The following DLGAP1 variants were observed in gnomAD, a reference collection of about 807,000 sequenced individuals.
DLGAP1 encodes the protein disks large-associated protein 1.
A neutral mutation model predicts 90.8 loss-of-function variants in DLGAP1; 11 were observed. That is an observed-to-expected ratio of 0.12 (90% CI 0.08 to 0.20). DLGAP1 has a LOEUF of 0.20. Ranked by LOEUF, DLGAP1 falls within the 10% of genes least tolerant of loss-of-function variation. The pLI is 1.00. For missense variants in DLGAP1, 1,050 were observed against 1,333.8 expected (o/e 0.79, Z 3.31); for synonymous variants, 558 against 540.7 (o/e 1.03, Z -0.44).
chr18:3,704,791 A>G (rs1209484226), intron 7 of DLGAP1, among the ~76,000 whole-genome samples: 3 of 152,076 alleles, frequency 2.0e-5, no homozygotes, highest in African/African-American at 7.2e-5. Flanking sequence ...AAGTATTTTT[A>G]ATTTGGGCTT....
intron 9 of DLGAP1, among the ~76,000 whole-genome samples, chr18:3,562,212 A>G (rs545807479): frequency 6.6e-6 from 1 of 152,074 alleles, no homozygotes; most frequent in Admixed American, 6.6e-5. Context: ...GGGCAACAAG[A>G]GCAAAAACTC....
rs866347452 is a variant in DLGAP1 at position 4,454,912 on chromosome 18, C to A, written c.-267+94G>T. 30 of 150,964 alleles carry A rather than the reference C, an allele frequency of 2.0e-4. No homozygotes were observed. The highest frequency in any genetic ancestry group is 7.0e-4 in the African/African-American group (29 of 41,366). The allele number at this position is 150,964 out of a possible 1,614,324, so 9.4% of individuals were successfully genotyped here. On this transcript the variant is annotated intron_variant, in intron 1 of 12. Coordinates refer to ENST00000315677, the MANE Select transcript of DLGAP1 (RefSeq NM_004746.4). The surrounding 1 kb of genome is among the most constrained non-coding windows in gnomAD (Gnocchi z 4.7). ...GCCCCTCCGCGGGCGAGGGAAGCGGCGACCGCGCGGCAGGCAGCAGCCAGG... is the reference window on the plus strand; with the variant it reads ...GCCCCTCCGCGGGCGAGGGAAGCGGAGACCGCGCGGCAGGCAGCAGCCAGG...
chr18:3,794,603 T>C (rs1359693124), intron 5 of DLGAP1, among the ~76,000 whole-genome samples: 2 of 152,214 alleles, frequency 1.3e-5, no homozygotes, highest in East Asian at 3.8e-4. Context: ...GGGGCTTTTG[T>C]GTGGGACAGG....
intron 3 of DLGAP1, among the ~76,000 whole-genome samples, chr18:3,992,041 G>A (rs2073980195): frequency 6.6e-6 from 1 of 152,140 alleles, no homozygotes; most frequent in Non-Finnish European, 1.5e-5. Context: ...CAATAAACAA[G>A]ATGAATCTAG....
In DLGAP1 at chr18:4,454,376, C is replaced by T. The variant is rs1398958191; in HGVS notation, c.-267+630G>A. The stretch of plus-strand genomic sequence containing the variant: ...GGCCTTGGCCGCGGGCAGGGGGCGA[C>T]TCTCCAGTGACCTCCTCCTTGGACC... On this transcript the variant is annotated intron_variant, in intron 1 of 12. Coordinates refer to ENST00000315677, the MANE Select transcript of DLGAP1 (RefSeq NM_004746.4). The surrounding 1 kb of genome is among the most constrained non-coding windows in gnomAD (Gnocchi z 4.7). 6.6e-6 allele frequency among the ~76,000 whole-genome samples: 1 copy of T among 152,136 alleles called. No individual in the cohort carries two copies. Among genetic ancestry groups the T allele is most frequent in the African/African-American group, 2.4e-5 (1 of 41,450 alleles).
intron 1 of DLGAP1, among the ~76,000 whole-genome samples, chr18:4,448,569 C>T (rs1232476121): frequency 4.6e-5 from 7 of 152,110 alleles, no homozygotes; most frequent in South Asian, 2.1e-4. Flanking sequence ...GGTGCATGTT[C>T]GCATTCTGTC....
intron 7 of DLGAP1, among the ~76,000 whole-genome samples, chr18:3,662,076 C>T (rs2059703072): frequency 6.7e-6 from 1 of 150,280 alleles, no homozygotes; most frequent in African/African-American, 2.5e-5. Flanking sequence ...AGGCAGAATG[C>T]TTAAAGTGCC....
intron 7 of DLGAP1, among the ~76,000 whole-genome samples, chr18:3,591,708 A>AAAAAAT: frequency 6.6e-6 from 1 of 152,280 alleles, no homozygotes; most frequent in Non-Finnish European, 1.5e-5. Flanking sequence ...AATAAAAAAC[A>AAAAAAT]AAAAATAAAA....
Position 3,749,601 on chromosome 18 carries a change from C to T in DLGAP1, c.1173-7089G>A, listed in dbSNP as rs185121499. ...TGTACATTCTGTTTATGGACAATCT[C>T]ATCTCCTCAATGGCTTCTACTACCA... On this transcript the variant is annotated intron_variant, in intron 5 of 12. Coordinates refer to ENST00000315677, the MANE Select transcript of DLGAP1 (RefSeq NM_004746.4). 2.2e-3 allele frequency among the ~76,000 whole-genome samples: 331 copies of T among 152,186 alleles called. 2 individuals carry two copies. Among genetic ancestry groups the T allele is most frequent in the African/African-American group, 7.5e-3 (311 of 41,512 alleles).
intron 3 of DLGAP1, among the ~76,000 whole-genome samples, chr18:3,948,121 A>G (rs1044681357): frequency 6.6e-6 from 1 of 152,150 alleles, no homozygotes; most frequent in Non-Finnish European, 1.5e-5. Flanking sequence ...GAAGAGACCA[A>G]CTGAAGGGAG....
chr18:4,069,866 A>G (rs2075422468), intron 2 of DLGAP1, among the ~76,000 whole-genome samples: 1 of 152,252 alleles, frequency 6.6e-6, no homozygotes, highest in Admixed American at 6.5e-5. Context: ...TGACTATGTT[A>G]GCATGTTTAA....
intron 10 of DLGAP1, among the ~76,000 whole-genome samples, chr18:3,515,655 T>G (rs2050798703): frequency 6.6e-6 from 1 of 151,202 alleles, no homozygotes; most frequent in Admixed American, 6.6e-5. Flanking sequence ...GGCACATCCC[T>G]GAAGTCCCAG....
At chr18:3,529,415 T>A (rs575247067) in intron 10 of DLGAP1, among the ~76,000 whole-genome samples, 31 of 152,304 alleles carry the variant, frequency 2.0e-4, no homozygotes, top group Admixed American at 2.6e-4. Flanking sequence ...AATTACCCAG[T>A]CTAGGGTATT....
intron 2 of DLGAP1, among the ~76,000 whole-genome samples, chr18:4,145,427 A>G (rs1459126496): frequency 6.6e-6 from 1 of 152,228 alleles, no homozygotes; most frequent in Non-Finnish European, 1.5e-5. Flanking sequence ...ATAGAAAAAT[A>G]GCCAACAGGA....
At chr18:3,520,415 G>A (rs1194982201) in intron 10 of DLGAP1, among the ~76,000 whole-genome samples, 1 of 152,060 alleles carries the variant, frequency 6.6e-6, no homozygotes, top group African/African-American at 2.4e-5. Flanking sequence ...CCTGTTATTC[G>A]CTGAATTGCA....
rs543952124 is a variant in DLGAP1 at position 3,951,415 on chromosome 18, T to C, written c.-73+53701A>G. The stretch of plus-strand genomic sequence containing the variant: ...GGATAAATAGAAAACTTTTGGACAA[T>C]AGCTGTCAAAGTAATTTGAAAATGA... On this transcript the variant is annotated intron_variant, in intron 3 of 12. Coordinates refer to ENST00000315677, the MANE Select transcript of DLGAP1 (RefSeq NM_004746.4). 1.2e-4 allele frequency among the ~76,000 whole-genome samples: 18 copies of C among 152,352 alleles called. No homozygotes were observed. The South Asian group carries it at 2.9e-3, about 25-fold the overall frequency.
rs372305908 is a variant in DLGAP1 at position 3,589,093 on chromosome 18, C to T, written c.1592-6845G>A. Among the ~76,000 whole-genome samples, 22 of 151,932 alleles carry T rather than the reference C, an allele frequency of 1.4e-4. No individual in the cohort carries two copies. In the East Asian group the frequency reaches 2.9e-3, roughly 20 times the overall value. On this transcript the variant is annotated intron_variant, in intron 7 of 12. Coordinates refer to ENST00000315677, the MANE Select transcript of DLGAP1 (RefSeq NM_004746.4). The stretch of plus-strand genomic sequence containing the variant: ...ATCCCAGCTATTTGGGAGGCTGAGG[C>T]GGGAGAACTGCTTGAACCCAAGAGG...
At chr18:3,836,395 T>C (rs1165270056) in intron 4 of DLGAP1, among the ~76,000 whole-genome samples, 1 of 152,226 alleles carries the variant, frequency 6.6e-6, no homozygotes, top group South Asian at 2.1e-4. Flanking sequence ...CATGGGTATA[T>C]GCCATCACTA....
intron 1 of DLGAP1, among the ~76,000 whole-genome samples, chr18:4,290,268 C>T (rs956115822): frequency 1.3e-5 from 2 of 152,112 alleles, no homozygotes; most frequent in Non-Finnish European, 2.9e-5. Flanking sequence ...AAAAAGAATA[C>T]GCATCAGGAG....
Sources: allele counts gnomAD v4.1 joint callset (sites outside exome capture counted in the v4.1 genomes callset), GRCh38; gene constraint gnomAD v4.1.1; non-coding constraint Gnocchi (gnomAD v3.1); transcripts MANE v1.5; gene names NCBI Gene and HGNC (gene_info 2026-07-23, HGNC 2026-07-21).